Variants in FUT8 observed in about 807,000 individuals in gnomAD.
The protein encoded by FUT8 is fucosyltransferase 8.
Under a neutral mutation model 71.3 loss-of-function variants are expected in FUT8, and 29 were observed. The ratio of observed to expected loss-of-function variants is 0.41; its 90% CI spans 0.30 to 0.55. The LOEUF (loss-of-function observed/expected upper bound fraction) is 0.55, where lower values mean the gene tolerates loss of function less well. Among genes scored for constraint, FUT8 ranks in the 20% least tolerant of loss-of-function variants. The pLI, the probability that FUT8 is intolerant of heterozygous loss-of-function variation, is 0.34. For synonymous variants in FUT8, 254 were observed against 239.3 expected, an observed-to-expected ratio of 1.06 and a Z score of -0.57; for missense variants, 544 against 702.1, an observed-to-expected ratio of 0.77 and a Z score of 2.55.
At position 65,442,979 on chromosome 14, in the gene FUT8, A is replaced by G. The variant is rs536249617; in HGVS notation, c.-325-12642A>G. Reference sequence around the variant, plus strand: ...ACTATGGGCTTTAGTTAATATATCAATATTCATTAAGTATAGAAAATGTAC... The same window carrying G: ...ACTATGGGCTTTAGTTAATATATCAGTATTCATTAAGTATAGAAAATGTAC... On this transcript the variant is annotated intron_variant, in intron 1 of 10. Transcript: ENST00000673929. 9.8e-5 allele frequency among the ~76,000 whole-genome samples: 15 copies of G among 152,330 alleles called. No individual in the cohort carries two copies. In the East Asian group the frequency reaches 2.3e-3, roughly 24 times the overall value.
At chr14:65,520,245 GAA>G (rs1882988777) in intron 2 of FUT8, among the ~76,000 whole-genome samples, 1 of 18,260 alleles carries the variant, frequency 5.5e-5, no homozygotes, top group Non-Finnish European at 1.2e-4. Context: ...AAATGGCAAA[GAA>G]CGGAAGTTTT....
At chr14:65,649,672 A>G (rs1891270832) in intron 6 of FUT8, among the ~76,000 whole-genome samples, 1 of 152,244 alleles carries the variant, frequency 6.6e-6, no homozygotes, top group African/African-American at 2.4e-5. Flanking sequence ...GCTTTGAATA[A>G]TCTCCTTAAG....
chr14:65,596,502 G>C (rs1287854675), intron 3 of FUT8, among the ~76,000 whole-genome samples: 1 of 152,084 alleles, frequency 6.6e-6, no homozygotes, highest in Non-Finnish European at 1.5e-5. Flanking sequence ...TTTCTTACAT[G>C]ATCAGCTATT....
intron 7 of FUT8, among the ~76,000 whole-genome samples, chr14:65,674,750 T>C (rs755127412): frequency 1.2e-4 from 18 of 152,234 alleles, no homozygotes; most frequent in Non-Finnish European, 2.2e-4. Flanking sequence ...CTCTTTCTTA[T>C]GATAGTTATT....
intron 7 of FUT8, among the ~76,000 whole-genome samples, chr14:65,690,196 A>T (rs1121885): frequency 2.6e-5 from 4 of 151,970 alleles, no homozygotes; most frequent in African/African-American, 9.7e-5. Context: ...GACCATCTCT[A>T]TGTGGGTCTT....
At chr14:65,602,359 A>T (rs1242733455) in intron 3 of FUT8, among the ~76,000 whole-genome samples, 1 of 112,696 alleles carries the variant, frequency 8.9e-6, no homozygotes, top group African/African-American at 3.8e-5. Flanking sequence ...ACACACACAC[A>T]CACACACACA....
chr14:65,440,577 A>G (rs1457098496), intron 1 of FUT8, among the ~76,000 whole-genome samples: 1 of 152,224 alleles, frequency 6.6e-6, no homozygotes, highest in African/African-American at 2.4e-5. Context: ...ATCATTCCAC[A>G]GCGTACACAT....
chr14:65,686,755 C>T (rs1456199688), intron 7 of FUT8, among the ~76,000 whole-genome samples: 3 of 151,994 alleles, frequency 2.0e-5, no homozygotes, highest in Non-Finnish European at 4.4e-5. Flanking sequence ...ATCTGTTTAC[C>T]ATGAAAGAGA....
chr14:65,605,054 T>C (rs897931942), intron 3 of FUT8, among the ~76,000 whole-genome samples: 1 of 151,964 alleles, frequency 6.6e-6, no homozygotes, highest in African/African-American at 2.4e-5. Flanking sequence ...TTGATACTTG[T>C]AGGTATACTT....
At chr14:65,635,412 T>C (rs1256119123) in intron 6 of FUT8, among the ~76,000 whole-genome samples, 1 of 152,206 alleles carries the variant, frequency 6.6e-6, no homozygotes, top group Non-Finnish European at 1.5e-5. Flanking sequence ...CCTTGTCTTA[T>C]TCTAATTCTC....
intron 7 of FUT8, among the ~76,000 whole-genome samples, chr14:65,673,319 G>C (rs1005622377): frequency 1.3e-5 from 2 of 152,142 alleles, no homozygotes; most frequent in African/African-American, 4.8e-5. Context: ...TTCAATTAAA[G>C]TATTTGCTAT....
intron 1 of FUT8, among the ~76,000 whole-genome samples, chr14:65,421,734 A>AGC (rs1331606236): frequency 2.7e-5 from 1 of 36,638 alleles, no homozygotes; most frequent in Non-Finnish European, 6.2e-5. Context: ...GAAACCCTTT[A>AGC]ACCCACCCCC....
chr14:65,677,710 G>C (rs1430088135), intron 7 of FUT8, among the ~76,000 whole-genome samples: 1 of 152,050 alleles, frequency 6.6e-6, no homozygotes, highest in Non-Finnish European at 1.5e-5. Flanking sequence ...CATAAACAGG[G>C]AAGTACACTA....
chr14:65,599,821 ACTTT>A (rs1047175558), intron 3 of FUT8, among the ~76,000 whole-genome samples: 2 of 152,196 alleles, frequency 1.3e-5, no homozygotes, highest in African/African-American at 4.8e-5. Context: ...GCCATTAACT[ACTTT>A]CTTTATTTGG....
At chr14:65,575,513 G>A (rs1025779230) in intron 3 of FUT8, among the ~76,000 whole-genome samples, 53 of 151,708 alleles carry the variant, frequency 3.5e-4, no homozygotes, top group Non-Finnish European at 7.4e-5. Context: ...CTCATTTAAT[G>A]ACAAGTTGGT....
intron 3 of FUT8, among the ~76,000 whole-genome samples, chr14:65,593,492 G>A (rs1244201049): frequency 6.6e-6 from 1 of 152,080 alleles, no homozygotes; most frequent in Non-Finnish European, 1.5e-5. Flanking sequence ...GAATACCCAT[G>A]TAAGGGAATG....
intron 7 of FUT8, among the ~76,000 whole-genome samples, chr14:65,688,515 C>T (rs1255886710): frequency 1.0e-5 from 1 of 98,194 alleles, no homozygotes; most frequent in Non-Finnish European, 1.8e-5. Context: ...TGGACATCCA[C>T]ATGCCAAAAA....
At chr14:65,462,243 A>T (rs537190049) in intron 2 of FUT8, among the ~76,000 whole-genome samples, 10 of 152,200 alleles carry the variant, frequency 6.6e-5, no homozygotes, top group Non-Finnish European at 1.3e-4. Flanking sequence ...GCGTAAATTA[A>T]TTTGTTTATT....
chr14:65,598,442 C>T (rs537318079), intron 3 of FUT8, among the ~76,000 whole-genome samples: 3 of 152,206 alleles, frequency 2.0e-5, no homozygotes, highest in South Asian at 4.2e-4. Flanking sequence ...AGGCTGGTCT[C>T]GAACTCCTGA....
Sources: allele counts gnomAD v4.1 joint callset (sites outside exome capture counted in the v4.1 genomes callset), GRCh38; gene constraint gnomAD v4.1.1; transcripts MANE v1.5; gene names NCBI Gene and HGNC (gene_info 2026-07-23, HGNC 2026-07-21).